The following GRM7 variants were observed in gnomAD, a reference collection of about 807,000 sequenced individuals.
The protein encoded by GRM7 is glutamate metabotropic receptor 7.
In GRM7, 35 loss-of-function variants were observed where a neutral mutation model predicts 84.5. That is an observed-to-expected ratio of 0.41 (90% CI 0.32 to 0.55). GRM7 has a LOEUF of 0.55. Among genes scored for constraint, GRM7 ranks in the 20% least tolerant of loss-of-function variants. The pLI is 0.19. For missense variants in GRM7, 1,003 were observed against 1,194.6 expected (o/e 0.84, Z 2.36); for synonymous variants, 487 against 455.1 (o/e 1.07, Z -0.89).
chr3:7,602,983 T>A (rs1376616066), intron 8 of GRM7, among the ~76,000 whole-genome samples: 1 of 152,154 alleles, frequency 6.6e-6, no homozygotes, highest in Non-Finnish European at 1.5e-5. Flanking sequence ...ACTGACAGAA[T>A]GAGTCATATT....
intron 4 of GRM7, among the ~76,000 whole-genome samples, chr3:7,389,771 G>A (rs1694919532): frequency 6.6e-6 from 1 of 151,822 alleles, no homozygotes; most frequent in South Asian, 2.1e-4. Flanking sequence ...TGTCTTGAAG[G>A]GGCATGAATC....
At chr3:7,596,008 G>A (rs2125066774) in intron 8 of GRM7, among the ~76,000 whole-genome samples, 1 of 152,334 alleles carries the variant, frequency 6.6e-6, no homozygotes, top group African/African-American at 2.4e-5. Context: ...GAAAGTGGAA[G>A]CAGGAAGATA....
At chr3:7,514,453 A>G (rs1010019984) in intron 7 of GRM7, among the ~76,000 whole-genome samples, 14 of 152,342 alleles carry the variant, frequency 9.2e-5, no homozygotes, top group African/African-American at 3.4e-4. Flanking sequence ...CTACATTTTC[A>G]GAAGTTTGGT....
chr3:7,019,110 A>G (rs1380964198), intron 1 of GRM7, among the ~76,000 whole-genome samples: 1 of 152,214 alleles, frequency 6.6e-6, no homozygotes, highest in Non-Finnish European at 1.5e-5. Context: ...AAAAAAATGA[A>G]TAAGTTTTGT....
intron 2 of GRM7, among the ~76,000 whole-genome samples, chr3:7,201,032 C>T (rs1007392120): frequency 5.8e-4 from 83 of 143,110 alleles, no homozygotes; most frequent in Middle Eastern, 3.6e-3. Flanking sequence ...TGCAGTGGCA[C>T]GATCTCGGCT....
chr3:6,974,294 T>C (rs953442858), intron 1 of GRM7, among the ~76,000 whole-genome samples: 2 of 152,112 alleles, frequency 1.3e-5, no homozygotes, highest in Non-Finnish European at 2.9e-5. Flanking sequence ...GAAAAAAAAT[T>C]GACATGTTAT....
chr3:7,077,205 C>A (rs370421959), intron 1 of GRM7, among the ~76,000 whole-genome samples: 2 of 152,138 alleles, frequency 1.3e-5, no homozygotes, highest in African/African-American at 4.8e-5. Context: ...CCATTTGACC[C>A]AGCAATCCCA....
rs1694754156 is a variant in GRM7 at position 6,861,507 on chromosome 3, C to G, written c.119C>G (p.Pro40Arg). 5 of 1,578,386 alleles carry G rather than the reference C, an allele frequency of 3.2e-6. No individual in the cohort carries two copies. The highest frequency in any genetic ancestry group is 3.4e-6 in the Non-Finnish European group (4 of 1,163,966). Residue 40 changes from proline (P) to arginine (R), a missense_variant, in exon 1 of 10, where the codon CCG becomes CGG. Transcript: ENST00000357716. The surrounding 1 kb of genome is among the most constrained non-coding windows in gnomAD (Gnocchi z 6.4). Reference sequence around the variant, plus strand: ...GCGCGCGGCCAGGAGATGTACGCCCCGCACTCAATCCGGATCGAGGGGGAC... The same window carrying G: ...GCGCGCGGCCAGGAGATGTACGCCCGGCACTCAATCCGGATCGAGGGGGAC... The part of the protein sequence containing the change: ...AAARGQEMYA[P>R]HSIRIEGDVT...
At chr3:7,119,196 T>A (rs1693138383) in intron 1 of GRM7, among the ~76,000 whole-genome samples, 1 of 152,180 alleles carries the variant, frequency 6.6e-6, no homozygotes, top group South Asian at 2.1e-4. Context: ...TGCTTCCACA[T>A]TTTATTAAAC....
At position 6,985,550 on chromosome 3, in the gene GRM7, G is replaced by A. The variant is rs1181243501; in HGVS notation, c.519+123643G>A. ...TTTCATTGTTGCCACAGGCTTGCAG[G>A]TATGCCTGATGGATCTTGTGTTATA... is the stretch of plus-strand genomic sequence containing the variant. On this transcript the variant is annotated intron_variant, in intron 1 of 9. Transcript: ENST00000357716. 2.6e-5 allele frequency among the ~76,000 whole-genome samples: 4 copies of A among 152,166 alleles called. No individual in the cohort carries two copies. In the East Asian group the frequency reaches 7.7e-4, roughly 29 times the overall value.
intron 1 of GRM7, among the ~76,000 whole-genome samples, chr3:6,936,210 C>G (rs1697688083): frequency 1.3e-5 from 2 of 152,198 alleles, no homozygotes; most frequent in Non-Finnish European, 2.9e-5. Context: ...GCACACAACT[C>G]CCATAGCTGG....
intron 2 of GRM7, among the ~76,000 whole-genome samples, chr3:7,215,594 G>C (rs1177765715): frequency 2.6e-5 from 4 of 152,010 alleles, no homozygotes; most frequent in African/African-American, 9.7e-5. Flanking sequence ...GAACCCGGGG[G>C]GCGGAGCTTG....
chr3:7,434,189 A>G (rs1262364509), intron 5 of GRM7, among the ~76,000 whole-genome samples: 8 of 152,168 alleles, frequency 5.3e-5, no homozygotes. Flanking sequence ...TAAATTTTCA[A>G]TGTTTATTAC....
chr3:7,722,279 C>G (rs1701977764), intron 9 of GRM7, among the ~76,000 whole-genome samples: 1 of 152,162 alleles, frequency 6.6e-6, no homozygotes, highest in African/African-American at 2.4e-5. Flanking sequence ...TTACCAAGTC[C>G]TGTTCTAGTT....
At position 7,741,227 on chromosome 3, in the gene GRM7, G is replaced by C. The variant is rs574936803; in HGVS notation, c.*821G>C. The stretch of plus-strand genomic sequence containing the variant: ...TGTTCTCTTTTGTTATTTTTAATTA[G>C]GGTATATGAATATTTTGCAATAATT... On this transcript the variant is annotated 3_prime_UTR_variant, in exon 10 of 10. Transcript: ENST00000357716. The C allele has an allele frequency of 1.3e-5, 2 of 152,398 alleles. No homozygotes were observed. The highest frequency in any genetic ancestry group is 2.9e-5 in the Non-Finnish European group (2 of 67,990). The allele number at this position is 152,398 out of a possible 1,614,324, so 9.4% of individuals were successfully genotyped here. A position where few individuals can be genotyped will look rare whatever the true frequency, so the allele number is the denominator to read the frequency against.
intron 1 of GRM7, among the ~76,000 whole-genome samples, chr3:6,932,921 A>G (rs1697561189): frequency 6.6e-6 from 1 of 151,702 alleles, no homozygotes; most frequent in East Asian, 1.9e-4. Flanking sequence ...TGCCCGGCTA[A>G]TTTTTGTATT....
Position 7,649,759 on chromosome 3 carries a change from C to A in GRM7, c.2452-30290C>A, listed in dbSNP as rs144667709. On this transcript the variant is annotated intron_variant, in intron 8 of 9. Coordinates refer to ENST00000357716, the MANE Select transcript of GRM7 (RefSeq NM_000844.4). The stretch of plus-strand genomic sequence containing the variant: ...TACCATCCTCCTCCCTAAAACTATT[C>A]CTAATCATATAACATGGCCTATATA... Among the ~76,000 whole-genome samples, 398 of 152,048 alleles carry A rather than the reference C, an allele frequency of 2.6e-3. 3 individuals are homozygous for A. The highest frequency in any genetic ancestry group is 9.1e-3 in the African/African-American group (378 of 41,460).
chr3:7,247,662 G>T (rs1246276340), intron 2 of GRM7, among the ~76,000 whole-genome samples: 1 of 144,632 alleles, frequency 6.9e-6, no homozygotes, highest in Non-Finnish European at 1.5e-5. Flanking sequence ...AAAAAACTTT[G>T]CCAAAACTAA....
intron 5 of GRM7, among the ~76,000 whole-genome samples, chr3:7,440,698 A>G (rs1174225244): frequency 6.6e-6 from 1 of 152,098 alleles, no homozygotes; most frequent in Non-Finnish European, 1.5e-5. Context: ...CTTTGTGTCT[A>G]TGTGTGCTCA....
Sources: allele counts gnomAD v4.1 joint callset (sites outside exome capture counted in the v4.1 genomes callset), GRCh38; gene constraint gnomAD v4.1.1; non-coding constraint Gnocchi (gnomAD v3.1); transcripts MANE v1.5; gene names NCBI Gene and HGNC (gene_info 2026-07-23, HGNC 2026-07-21).